MYOM2: variants seen among roughly 807,000 people sequenced by gnomAD.
MYOM2 encodes the protein myomesin-2.
MYOM2 carries 254 observed loss-of-function variants against 187.6 expected under a neutral mutation model. That is an observed-to-expected ratio of 1.35 (90% CI 1.22 to 1.50). MYOM2 has a LOEUF of 1.50. MYOM2 is among the 40% of genes most tolerant of loss of function. The probability of loss-of-function intolerance (pLI) is 0.00; values close to 1 mark genes in which losing one functional copy is unlikely to be tolerated. For synonymous variants in MYOM2, 981 were observed against 753.8 expected, an observed-to-expected ratio of 1.30 and a Z score of -4.94; for missense variants, 2,796 against 1,924.0, an observed-to-expected ratio of 1.45 and a Z score of -8.48.
In MYOM2 at chr8:2,079,051, G is replaced by A. The variant is rs1819532509; in HGVS notation, c.1462+118G>A. 4.2e-6 allele frequency: 4 copies of A among 956,716 alleles called. No individual in the cohort carries two copies. The East Asian group carries it at 9.7e-5, about 23-fold the overall frequency. 59.3% of individuals were successfully genotyped at this position (956,716 alleles called of 1,614,324 possible). ...GAGCCCTGAGAATGCCCTGTGTGCA[G>A]AGCATAGCACAGGCTGTTACAACGT... On this transcript the variant is annotated intron_variant, in intron 12 of 36. Transcript: ENST00000262113.
chr8:2,141,230 G>A, intron 34 of MYOM2, 53 bp downstream of exon 34: 6 of 1,540,424 alleles, frequency 3.9e-6, no homozygotes, highest in Non-Finnish European at 5.4e-6. Context: ...TTGAGTCCCA[G>A]TCGTTTTGGC....
At position 2,144,769 on chromosome 8, in the gene MYOM2, G is replaced by T; in HGVS notation, c.4186G>T (p.Glu1396Ter). ...CAGCGAGCACTTCTCGGTGAAGGTG[G>T]AGCAGGCCAAGTACGTCAGCATGAC... is the stretch of plus-strand genomic sequence containing the variant. ...QLSEHFSVKVEQAKYVSMTIK... is the reference protein window; with the variant it reads ...QLSEHFSVKV Residue 1396 changes from glutamate (E) to a stop codon, truncating the protein, a stop_gained, in exon 37 of 37, where the codon GAG becomes TAG. Transcript: ENST00000262113. LOFTEE classifies it high-confidence loss of function. 1 of 1,614,188 alleles carries T rather than the reference G, an allele frequency of 6.2e-7. No homozygotes were observed. Among genetic ancestry groups the T allele is most frequent in the Non-Finnish European group, 8.5e-7 (1 of 1,180,042 alleles).
chr8:2,074,517 C>T lies in MYOM2; in HGVS notation c.1120+1017C>T, dbSNP rs191959592. On this transcript the variant is annotated intron_variant, in intron 10 of 36. Coordinates refer to ENST00000262113, the MANE Select transcript of MYOM2 (RefSeq NM_003970.4). ...TCGCCCAGGCTGGAGTGCAGTGGCG[C>T]GACCTCGGCTCACTGCAACCTCCGC... 7.4e-4 allele frequency among the ~76,000 whole-genome samples: 113 copies of T among 152,120 alleles called. 1 individual carries two copies. In the East Asian group the frequency reaches 0.019, roughly 26 times the overall value.
rs376649826 is a variant in MYOM2 at position 2,102,045 on chromosome 8, T to A, written c.2620-622T>A. 2.0e-5 allele frequency: 3 copies of A among 152,280 alleles called. No homozygotes were observed. The East Asian group carries it at 5.8e-4, about 29-fold the overall frequency. 9.4% of individuals were successfully genotyped at this position (152,280 alleles called of 1,614,324 possible). A position where few individuals can be genotyped will look rare whatever the true frequency, so the allele number is the denominator to read the frequency against. On this transcript the variant is annotated intron_variant, in intron 20 of 36. Transcript: ENST00000262113. ...CCTGTGGTGGGGTGGGCCTGCTTCC[T>A]TCCCTAAAGCACAGCCACGTCTGGG...
chr8:2,116,305 T>G lies in MYOM2; in HGVS notation c.3385+30T>G, dbSNP rs770972856. ...GTTTCCTCACTCTGACCGGCTCCCC[T>G]GCCCCTAGCATAAAGCAAAGATGAT... On this transcript the variant is annotated intron_variant, in intron 27 of 36. Coordinates refer to ENST00000262113, the MANE Select transcript of MYOM2 (RefSeq NM_003970.4). 1.9e-6 allele frequency: 3 copies of G among 1,596,162 alleles called. 1 individual carries two copies. The highest frequency in any genetic ancestry group is 2.6e-6 in the Non-Finnish European group (3 of 1,169,846).
chr8:2,113,293 C>G (rs17751791), intron 25 of MYOM2, among the ~76,000 whole-genome samples: 3 of 152,210 alleles, frequency 2.0e-5, no homozygotes, highest in Non-Finnish European at 4.4e-5. Context: ...CGTCAAGACC[C>G]TGCTCAATGT....
intron 6 of MYOM2, among the ~76,000 whole-genome samples, chr8:2,067,305 T>C (rs1299508971): frequency 6.6e-6 from 1 of 152,226 alleles, no homozygotes; most frequent in African/African-American, 2.4e-5. Flanking sequence ...ACTCTTGCTT[T>C]TCTCAAAAGT....
chr8:2,143,345 G>C lies in MYOM2; in HGVS notation c.4025-56G>C, dbSNP rs577136726. ...ACCCACTGCTGCTTACATGGCTCCT[G>C]CTCCGTGGGAACGTCCCGCAGATGT... On this transcript the variant is annotated intron_variant, in intron 35 of 36. Coordinates refer to ENST00000262113, the MANE Select transcript of MYOM2 (RefSeq NM_003970.4). 3.2e-5 allele frequency: 52 copies of C among 1,604,858 alleles called. No individual in the cohort carries two copies. The African/African-American group carries it at 5.1e-4, about 16-fold the overall frequency.
intron 6 of MYOM2, among the ~76,000 whole-genome samples, chr8:2,059,552 A>G (rs1042123041): frequency 1.3e-5 from 2 of 152,200 alleles, no homozygotes; most frequent in South Asian, 4.2e-4. Flanking sequence ...ACCTCCTGCC[A>G]GGTTCGAGAA....
At chr8:2,110,222 C>CTGATGTGGGAGGA (rs1797023422) in intron 25 of MYOM2, among the ~76,000 whole-genome samples, 1 of 152,134 alleles carries the variant, frequency 6.6e-6, no homozygotes, top group Non-Finnish European at 1.5e-5. Context: ...ACTTAGGAGG[C>CTGATGTGGGAGGA]TGATGTGGGA....
intron 11 of MYOM2, 55 bp from the exon 12 acceptor site, chr8:2,078,679 T>G: frequency 6.5e-7 from 1 of 1,532,830 alleles, no homozygotes; most frequent in South Asian, 1.1e-5. Flanking sequence ...CTATGTATAT[T>G]TAGTAGGTTG....
chr8:2,078,717 CT>C lies in MYOM2; in HGVS notation c.1263-10del, dbSNP rs768406267. 8.7e-6 allele frequency: 14 copies of C among 1,613,264 alleles called. No homozygotes were observed. The highest frequency in any genetic ancestry group is 1.1e-5 in the Non-Finnish European group (13 of 1,179,548). ...ACATTTGCTATTCTCTGTTGTTTTT[CT>C]TTTTTTAACTTGAAGATGTGAAGTA... is the stretch of plus-strand genomic sequence containing the variant. On this transcript the variant is annotated splice_polypyrimidine_tract_variant and intron_variant, in intron 11 of 36. Coordinates refer to ENST00000262113, the MANE Select transcript of MYOM2 (RefSeq NM_003970.4).
Position 2,123,346 on chromosome 8 carries a change from G to T in MYOM2, c.3548G>T (p.Cys1183Phe). The change falls in exon 29 of 37, where the codon TGT (cysteine) becomes TTT (phenylalanine). Residue 1183 changes from cysteine (C) to phenylalanine (F), a missense_variant. Cys to Phe is a radical substitution (Grantham distance 205, BLOSUM62 -2). Coordinates refer to ENST00000262113, the MANE Select transcript of MYOM2 (RefSeq NM_003970.4). ...CTGCCTAACCTGGAGAGGGGAATCT[G>T]TGAGCTCCTCATCCCAAAGGTATCA... ...ETLPNLERGI[C>F]ELLIPKLSKK... 1 of 1,612,600 alleles carries T rather than the reference G, an allele frequency of 6.2e-7. No homozygotes were observed. The highest frequency in any genetic ancestry group is 8.5e-7 in the Non-Finnish European group (1 of 1,179,218).
intron 5 of MYOM2, among the ~76,000 whole-genome samples, chr8:2,058,317 C>G (rs1242116339): frequency 6.6e-6 from 1 of 152,102 alleles, no homozygotes; most frequent in African/African-American, 2.4e-5. Context: ...CACGCCTGAC[C>G]AGAGTGTATT....
At chr8:2,092,609 T>C in intron 16 of MYOM2, 89 bp downstream of exon 16, 2 of 1,378,948 alleles carry the variant, frequency 1.5e-6, no homozygotes, top group Non-Finnish European at 2.0e-6. Flanking sequence ...GGGAGTACCA[T>C]GGCCGCAAGG....
intron 34 of MYOM2, among the ~76,000 whole-genome samples, chr8:2,141,770 G>C (rs1441396719): frequency 1.3e-5 from 2 of 152,140 alleles, no homozygotes; most frequent in Non-Finnish European, 2.9e-5. Context: ...TGATGTTTTT[G>C]GGCTGGACTT....
At chr8:2,056,372 C>A (rs956134112) in intron 3 of MYOM2, among the ~76,000 whole-genome samples, 8 of 152,032 alleles carry the variant, frequency 5.3e-5, no homozygotes, top group Non-Finnish European at 1.0e-4. Flanking sequence ...CTTGGGAACG[C>A]GATGGTGAGG....
At chr8:2,079,490 G>C (rs566829198) in intron 12 of MYOM2, 70 bp from the exon 13 acceptor site, 1 of 1,482,990 alleles carries the variant, frequency 6.7e-7, no homozygotes, top group Middle Eastern at 1.7e-4. Context: ...AGCTGGCACA[G>C]AATGAGGGAA....
Position 2,108,840 on chromosome 8 carries a change from C to T in MYOM2, c.3043+10C>T, listed in dbSNP as rs745906256. On this transcript the variant is annotated intron_variant, in intron 24 of 36. Coordinates refer to ENST00000262113, the MANE Select transcript of MYOM2 (RefSeq NM_003970.4). The stretch of plus-strand genomic sequence containing the variant: ...GAAATAAAGAACCCCAGTAAGTAAG[C>T]CTCCAGCCCTTCCCCTCTGCTTGCA... 2.5e-6 allele frequency: 4 copies of T among 1,613,724 alleles called. No individual in the cohort carries two copies. The highest frequency in any genetic ancestry group is 3.4e-6 in the Non-Finnish European group (4 of 1,179,824).
Sources: gnomAD v4.1 joint callset for allele counts (sites outside exome capture counted in the v4.1 genomes callset) on GRCh38, gnomAD v4.1.1 for gene constraint, MANE v1.5 for transcripts, NCBI Gene and HGNC (gene_info 2026-07-23, HGNC 2026-07-21) for gene names.